The following OFD1 variants were observed in gnomAD, a reference collection of about 807,000 sequenced individuals.
OFD1 encodes OFD1 centriole and centriolar satellite protein.
OFD1 carries 12 observed loss-of-function variants against 81.4 expected under a neutral mutation model. That is an observed-to-expected ratio of 0.15 (90% CI 0.09 to 0.24). The LOEUF is 0.24. Among genes scored for constraint, OFD1 ranks in the 10% least tolerant of loss-of-function variants. OFD1 has a pLI of 1.00. For missense variants in OFD1, 685 were observed against 733.9 expected, an observed-to-expected ratio of 0.93 and a Z score of 0.77; for synonymous variants, 256 against 263.7, an observed-to-expected ratio of 0.97 and a Z score of 0.28.
chrX:13,723,263 G>A, the OFD1 span, among the ~76,000 whole-genome samples: 1 of 111,320 alleles, frequency 9.0e-6, no homozygotes, highest in Non-Finnish European at 1.9e-5. Flanking sequence ...CGCCTCCCAG[G>A]TTCAGGAGAT....
chrX:13,751,400 T>C (rs1191025530), intron 10 of OFD1, 32 bp downstream of exon 10: 2 of 1,125,794 alleles, frequency 1.8e-6, no homozygotes, highest in Admixed American at 2.3e-5. Flanking sequence ...ATAACTAATA[T>C]GTTTAAATTA....
intron 1 of OFD1, 66 bp from the exon 2 acceptor site, chrX:13,735,181 TG>T (rs2046808326): frequency 3.4e-6 from 4 of 1,191,694 alleles, no homozygotes; most frequent in Non-Finnish European, 4.6e-6. Flanking sequence ...CGGAGGCCAC[TG>T]GTCTGTTTTC....
At chrX:13,717,885 A>C in the OFD1 span, among the ~76,000 whole-genome samples, 1 of 112,383 alleles carries the variant, frequency 8.9e-6, no homozygotes, top group African/African-American at 3.2e-5. Flanking sequence ...TGGTTAGCTA[A>C]GATGAGGTCA....
chrX:13,759,128 T>G (rs1395848278), intron 15 of OFD1, among the ~76,000 whole-genome samples: 1 of 112,080 alleles, frequency 8.9e-6, no homozygotes, highest in Non-Finnish European at 1.9e-5. Context: ...GTTCAGATAC[T>G]TTATTCTTCA....
intron 10 of OFD1, chrX:13,752,806 C>G: frequency 1.0e-6 from 1 of 968,902 alleles, no homozygotes; most frequent in Non-Finnish European, 1.3e-6. Flanking sequence ...GCTTCTATTT[C>G]CTTTTGGAAC....
chrX:13,756,588 A>C lies in OFD1; in HGVS notation c.1232A>C (p.Glu411Ala). The change falls in exon 13 of 23, where the codon GAG becomes GCG. Residue 411 changes from glutamate to alanine, a missense_variant. Glu to Ala is a moderately radical substitution (Grantham distance 107). Around this residue, in one of 3 missense-constraint regions of OFD1, gnomAD observed 414 missense variants for 447.2 expected, o/e 0.93. Transcript: ENST00000340096. Reference protein sequence around the residue: ...NRVKELELELESVKAQSLAIT... With the variant: ...NRVKELELELASVKAQSLAIT... The stretch of plus-strand genomic sequence containing the variant: ...CTTTTTGAATTTTAGCTTGAATTAG[A>C]GTCTGTCAAAGCCCAGTCTTTGGCA... The C allele has an allele frequency of 8.3e-7, 1 of 1,203,785 alleles. No individual in the cohort carries two copies. Among genetic ancestry groups the C allele is most frequent in the Non-Finnish European group, 1.1e-6 (1 of 891,262 alleles).
chrX:13,720,505 GGACA>G, the OFD1 span: 3 of 112,574 alleles, frequency 2.7e-5, no homozygotes, highest in East Asian at 8.3e-4. Context: ...TACCTAGAAA[GGACA>G]GACACTGTAT....
chrX:13,734,768 G>T lies in OFD1; in HGVS notation c.-304G>T. ...GCCGGACTGGCTGTGAGGCGGTCCT[G>T]CCTCGCTGCCTTCAGTCCCTAGTGT... On this transcript the variant is annotated 5_prime_UTR_variant, in exon 1 of 23. Coordinates refer to ENST00000340096, the MANE Select transcript of OFD1 (RefSeq NM_003611.3). 2 of 1,057,022 alleles carry T rather than the reference G, an allele frequency of 1.9e-6. No homozygotes were observed. The highest frequency in any genetic ancestry group is 2.7e-5 in the South Asian group (1 of 37,335). The allele number at this position is 1,057,022 out of a possible 1,213,427, so 87.1% of individuals were successfully genotyped here. A position where few individuals can be genotyped will look rare whatever the true frequency, so the allele number is the denominator to read the frequency against.
At position 13,753,391 on chromosome X, in the gene OFD1, A is replaced by C; in HGVS notation, c.1079A>C (p.Asp360Ala). The C allele has an allele frequency of 1.7e-6, 2 of 1,208,477 alleles. No homozygotes were observed. The highest frequency in any genetic ancestry group is 1.1e-6 in the Non-Finnish European group (1 of 893,025). The change falls in exon 11 of 23, where the codon GAC becomes GCC. Residue 360 changes from aspartate (D) to alanine (A), a missense_variant. Physicochemically the swap from Asp to Ala is moderately radical, Grantham distance 126 (BLOSUM62 -2). This residue lies in a region of OFD1 where 414 missense variants were observed against 447.2 expected (regional missense o/e 0.93). Transcript: ENST00000340096. ...LLKYQLELKD[D>A]YIIRTNRLIE... ...AGGTATCAACTTGAACTGAAGGATG[A>C]CTACATCATTAGAACTAATCGACTG...
chrX:13,763,863 C>T lies in OFD1; in HGVS notation c.2599+8C>T, dbSNP rs772789615. ...TCTCATATCAGCACCCAAGTAAGTTCTTTTTTTGAACTAACAGTCAGCAGG... is the reference window on the plus strand; with the variant it reads ...TCTCATATCAGCACCCAAGTAAGTTTTTTTTTTGAACTAACAGTCAGCAGG... On this transcript the variant is annotated splice_region_variant and intron_variant, in intron 19 of 22. Coordinates refer to ENST00000340096, the MANE Select transcript of OFD1 (RefSeq NM_003611.3). The T allele has an allele frequency of 6.0e-6, 7 of 1,174,676 alleles. No individual in the cohort carries two copies. The South Asian group carries it at 1.1e-4, about 18-fold the overall frequency.
At chrX:13,759,503 T>C (rs1004966917) in intron 15 of OFD1, among the ~76,000 whole-genome samples, 4 of 112,029 alleles carry the variant, frequency 3.6e-5, no homozygotes, top group African/African-American at 9.8e-5. Context: ...GCCCAGTAGC[T>C]CTTAGACTTG....
At chrX:13,746,477 TA>T (rs763656796) in intron 7 of OFD1, 22 bp downstream of exon 7, 1 of 1,198,055 alleles carries the variant, frequency 8.3e-7, no homozygotes, top group East Asian at 3.0e-5. Flanking sequence ...CTTGTTACTG[TA>T]AACAAGAGTG....
chrX:13,770,377 G>A (rs776603365), downstream of OFD1, among the ~76,000 whole-genome samples: 1 of 112,405 alleles, frequency 8.9e-6, no homozygotes, highest in South Asian at 3.7e-4. Context: ...GAATGGCCAT[G>A]TGTCAATAGT....
intron 20 of OFD1, 73 bp downstream of exon 20, chrX:13,767,357 G>A: frequency 9.3e-7 from 1 of 1,072,414 alleles, no homozygotes; most frequent in Non-Finnish European, 1.3e-6. Flanking sequence ...TGAGCTCAGG[G>A]AGGGGAGTCA....
the OFD1 span, chrX:13,716,810 G>T: frequency 2.1e-6 from 1 of 468,054 alleles, no homozygotes; most frequent in Non-Finnish European, 3.4e-6. Flanking sequence ...CTTTGTTATT[G>T]TCATGAGACT....
At chrX:13,715,992 A>G in the OFD1 span, 2 of 1,178,413 alleles carry the variant, frequency 1.7e-6, no homozygotes, top group Non-Finnish European at 2.3e-6. Flanking sequence ...AAAATTATAG[A>G]ACATACCATA....
intron 17 of OFD1, 42 bp downstream of exon 17, chrX:13,761,253 G>T (rs771328563): frequency 1.7e-6 from 2 of 1,184,025 alleles, no homozygotes; most frequent in Admixed American, 4.5e-5. Flanking sequence ...GCTGAATAAT[G>T]TTACTTGCTC....
chrX:13,751,170 A>G, intron 9 of OFD1, 79 bp from the exon 10 acceptor site: 5 of 975,048 alleles, frequency 5.1e-6, no homozygotes, highest in Admixed American at 2.3e-5. Flanking sequence ...CTGTGGAACT[A>G]GACACATGTG....
the OFD1 span, among the ~76,000 whole-genome samples, chrX:13,725,667 G>A: frequency 8.9e-6 from 1 of 112,583 alleles, no homozygotes; most frequent in Non-Finnish European, 1.9e-5. Flanking sequence ...AAACAGAAAA[G>A]CTGAAAATTC....
Sources: allele counts gnomAD v4.1 joint callset (sites outside exome capture counted in the v4.1 genomes callset), GRCh38; gene constraint gnomAD v4.1.1; regional missense constraint gnomAD v4.1.1; transcripts MANE v1.5; gene names NCBI Gene and HGNC (gene_info 2026-07-23, HGNC 2026-07-21).